PCDH11Y: variants seen among roughly 807,000 people sequenced by gnomAD.
PCDH11Y encodes the protein protocadherin-11 Y-linked.
For missense variants in PCDH11Y, 12 were observed against 224.8 expected, an observed-to-expected ratio of 0.05 and a Z score of 6.05; for synonymous variants, 9 against 83.6, an observed-to-expected ratio of 0.11 and a Z score of 4.87.
intron 2 of PCDH11Y, among the ~76,000 whole-genome samples, chrY:5,351,623 A>G (rs2053159415): frequency 3.3e-5 from 1 of 30,527 alleles, no homozygotes; most frequent in South Asian, 7.5e-4. Flanking sequence ...TATCTAGTGC[A>G]GAAATGTTCA....
intron 2 of PCDH11Y, among the ~76,000 whole-genome samples, chrY:5,495,796 C>T: frequency 3.0e-5 from 1 of 33,632 alleles, no homozygotes; most frequent in African/African-American, 1.2e-4. Flanking sequence ...CGAAATGCCA[C>T]TTACATCATG....
rs1602926978 is a variant in PCDH11Y, at chrY:5,445,707, A to C, written c.3130-55350A>C. Among the ~76,000 whole-genome samples the C allele has an allele frequency of 2.1e-4, 7 of 32,808 alleles. No individual in the cohort carries two copies. The East Asian group carries it at 5.6e-3, about 26-fold the overall frequency. The allele number at this position is 32,808 out of a possible 37,273, so 88.0% of individuals were successfully genotyped here. A position where few individuals can be genotyped will look rare whatever the true frequency, so the allele number is the denominator to read the frequency against. On this transcript the variant is annotated intron_variant, in intron 2 of 4. Coordinates refer to the PCDH11Y transcript ENST00000400457. ...CGTTGGGAAAAAATATGAATATAAA[A>C]AAGGAAATAGTATAGTCAATACAAG...
intron 2 of PCDH11Y, among the ~76,000 whole-genome samples, chrY:5,467,911 ATTAAG>A (rs2053309846): frequency 3.1e-5 from 1 of 32,327 alleles, no homozygotes; most frequent in Admixed American, 2.9e-4. Context: ...TATAAATTCT[ATTAAG>A]TTAACTATAT....
intron 4 of PCDH11Y, among the ~76,000 whole-genome samples, chrY:5,644,175 T>A: frequency 3.0e-5 from 1 of 32,873 alleles, no homozygotes; most frequent in African/African-American, 1.2e-4. Context: ...TGGGAACACC[T>A]AAATGTTTTC....
At chrY:5,407,560 C>T (rs2124677670) in intron 2 of PCDH11Y, among the ~76,000 whole-genome samples, 1 of 32,649 alleles carries the variant, frequency 3.1e-5, no homozygotes, top group Non-Finnish European at 7.5e-5. Context: ...AAATTAAAAG[C>T]AACACTGAAT....
intron 2 of PCDH11Y, among the ~76,000 whole-genome samples, chrY:5,380,949 G>C (rs2053204727): frequency 3.2e-5 from 1 of 31,549 alleles, no homozygotes; most frequent in African/African-American, 1.3e-4. Context: ...TCCATGTCAA[G>C]TCTCAACAAA....
intron 2 of PCDH11Y, among the ~76,000 whole-genome samples, chrY:5,470,620 T>G: frequency 3.4e-5 from 1 of 29,849 alleles, no homozygotes; most frequent in African/African-American, 1.3e-4. Context: ...TTCATTTATG[T>G]TTTTTTTTGT....
At chrY:5,681,890 T>A (rs2053558746) in intron 4 of PCDH11Y, among the ~76,000 whole-genome samples, 1 of 31,778 alleles carries the variant, frequency 3.1e-5, no homozygotes, top group South Asian at 7.1e-4. Context: ...TTCCACCAGA[T>A]GCCCTAAATC....
At chrY:5,385,443 G>A (rs1475571510) in intron 2 of PCDH11Y, among the ~76,000 whole-genome samples, 339 of 30,847 alleles carry the variant, frequency 0.011, no homozygotes, top group Non-Finnish European at 0.021. Flanking sequence ...CATAGTCTCC[G>A]ATCCTATCCA....
At chrY:5,044,262 C>A (rs1602846420) in intron 3 of PCDH11Y, among the ~76,000 whole-genome samples, 2 of 32,029 alleles carry the variant, frequency 6.2e-5, no homozygotes, top group African/African-American at 2.5e-4. Context: ...CTATAAATTT[C>A]CCTCTACACA....
intron 2 of PCDH11Y, among the ~76,000 whole-genome samples, chrY:5,385,217 G>A (rs2053212064): frequency 4.1e-5 from 1 of 24,594 alleles, no homozygotes; most frequent in Non-Finnish European, 9.3e-5. Flanking sequence ...TCTTTTGTGG[G>A]GATTTGTTAG....
At chrY:5,634,207 C>G in intron 4 of PCDH11Y, among the ~76,000 whole-genome samples, 8 of 10,646 alleles carry the variant, frequency 7.5e-4, no homozygotes, top group Non-Finnish European at 9.1e-4. Flanking sequence ...GAGCGAGATT[C>G]CACCTCAAAA....
chrY:5,313,854 GAAT>G (rs2053104368), intron 2 of PCDH11Y, among the ~76,000 whole-genome samples: 1 of 32,552 alleles, frequency 3.1e-5, no homozygotes, highest in African/African-American at 1.2e-4. Context: ...AACATAAAGA[GAAT>G]GATGATATCC....
At position 5,426,797 on chromosome Y, in the gene PCDH11Y, A is replaced by G. The variant is rs2124680069; in HGVS notation, c.3130-74260A>G. 3.0e-4 allele frequency among the ~76,000 whole-genome samples: 10 copies of G among 33,305 alleles called. No individual in the cohort carries two copies. The South Asian group carries it at 6.5e-3, about 22-fold the overall frequency. 89.4% of individuals were successfully genotyped at this position (33,305 alleles called of 37,273 possible). A position where few individuals can be genotyped will look rare whatever the true frequency, so the allele number is the denominator to read the frequency against. On this transcript the variant is annotated intron_variant, in intron 2 of 4. Coordinates refer to the PCDH11Y transcript ENST00000400457. ...ATACTCCATTATTTTCATAAATATTACTACACAAGAACACATGCAAAAAGG... is the reference window on the plus strand; with the variant it reads ...ATACTCCATTATTTTCATAAATATTGCTACACAAGAACACATGCAAAAAGG...
chrY:5,201,261 A>G (rs2052926632), intron 2 of PCDH11Y, among the ~76,000 whole-genome samples: 1 of 32,692 alleles, frequency 3.1e-5, no homozygotes, highest in Non-Finnish European at 7.5e-5. Flanking sequence ...GATACATATG[A>G]GACATTCTAT....
chrY:5,487,268 C>T (rs2053334636), intron 2 of PCDH11Y, among the ~76,000 whole-genome samples: 1 of 31,999 alleles, frequency 3.1e-5, no homozygotes, highest in Non-Finnish European at 7.6e-5. Flanking sequence ...GGCTCAATCT[C>T]GGCTCACTGC....
chrY:5,073,684 C>T, intron 1 of PCDH11Y, among the ~76,000 whole-genome samples: 3 of 32,072 alleles, frequency 9.4e-5, no homozygotes, highest in Non-Finnish European at 1.5e-4. Context: ...GTGATCCTCC[C>T]GCCTCGGCCT....
intron 2 of PCDH11Y, among the ~76,000 whole-genome samples, chrY:5,437,902 CT>C (rs2053276899): frequency 7.3e-4 from 24 of 32,915 alleles, no homozygotes; most frequent in Admixed American, 2.8e-3. Context: ...GACTCACCAG[CT>C]TTTTAACAGT....
At chrY:5,343,548 C>A (rs2124669304) in intron 2 of PCDH11Y, among the ~76,000 whole-genome samples, 1 of 31,030 alleles carries the variant, frequency 3.2e-5, no homozygotes, top group East Asian at 8.6e-4. Context: ...CCACCACGCC[C>A]GGCCAGTATA....
Sources: gnomAD v4.1 joint callset for allele counts (sites outside exome capture counted in the v4.1 genomes callset) on GRCh38, gnomAD v4.1.1 for gene constraint, MANE v1.5 for transcripts, NCBI Gene and HGNC (gene_info 2026-07-23, HGNC 2026-07-21) for gene names.